Variants in TRAPPC9 observed in about 807,000 individuals in gnomAD.
The protein encoded by TRAPPC9 is IKK2 binding protein.
A neutral mutation model predicts 124.0 loss-of-function variants in TRAPPC9; 83 were observed. The observed-to-expected ratio is 0.67, with a 90% CI of 0.56 to 0.80. TRAPPC9 has a LOEUF of 0.80. Among genes scored for constraint, TRAPPC9 ranks in the 30% least tolerant of loss-of-function variants. TRAPPC9 has a pLI of 0.00. For synonymous variants in TRAPPC9, 638 were observed against 617.5 expected (o/e 1.03, Z -0.49); for missense variants, 1,302 against 1,508.3 (o/e 0.86, Z 2.27).
chr8:139,737,462 G>GCCC (rs1333489937), intron 21 of TRAPPC9, among the ~76,000 whole-genome samples: 431 of 31,078 alleles, frequency 0.014, 11 homozygotes, highest in African/African-American at 0.03. Flanking sequence ...GGGGTCATCA[G>GCCC]CCCTCCCCCC....
At chr8:140,076,013 C>G (rs529843122) in intron 17 of TRAPPC9, among the ~76,000 whole-genome samples, 6 of 152,160 alleles carry the variant, frequency 3.9e-5, no homozygotes, top group Admixed American at 6.5e-5. Context: ...ACAGGAAGCC[C>G]TTGCTTTCCT....
chr8:140,076,397 C>T (rs1843512399), intron 17 of TRAPPC9, among the ~76,000 whole-genome samples: 1 of 152,200 alleles, frequency 6.6e-6, no homozygotes, highest in Admixed American at 6.5e-5. Flanking sequence ...ACAACTCGTG[C>T]ATCCTTGCTT....
intron 7 of TRAPPC9, among the ~76,000 whole-genome samples, chr8:140,391,886 G>A (rs1179204538): frequency 6.6e-6 from 1 of 151,854 alleles, no homozygotes; most frequent in Non-Finnish European, 1.5e-5. Context: ...AATTAGCCGG[G>A]TGTGGTGCGG....
chr8:140,061,054 C>T (rs1417058555), intron 17 of TRAPPC9, among the ~76,000 whole-genome samples: 1 of 152,246 alleles, frequency 6.6e-6, no homozygotes, highest in Non-Finnish European at 1.5e-5. Flanking sequence ...ATGATTCAGG[C>T]AGTCTGACAT....
chr8:140,454,712 G>A (rs1171579512), intron 1 of TRAPPC9, among the ~76,000 whole-genome samples: 2 of 149,620 alleles, frequency 1.3e-5, no homozygotes, highest in African/African-American at 2.5e-5. Flanking sequence ...GCCAAGTCGA[G>A]TGGATCGCCT....
chr8:140,146,732 C>T (rs1332721935), intron 17 of TRAPPC9, among the ~76,000 whole-genome samples: 1 of 152,116 alleles, frequency 6.6e-6, no homozygotes, highest in Admixed American at 6.5e-5. Context: ...TCTAATATTT[C>T]ATAATGAATG....
At chr8:139,741,398 T>C (rs975229444) in intron 21 of TRAPPC9, among the ~76,000 whole-genome samples, 17 of 152,094 alleles carry the variant, frequency 1.1e-4, no homozygotes, top group Non-Finnish European at 1.5e-4. Flanking sequence ...AGGTGGCGAG[T>C]GGCTCAGGAG....
At chr8:140,156,472 C>A (rs891803638) in intron 17 of TRAPPC9, among the ~76,000 whole-genome samples, 8 of 152,182 alleles carry the variant, frequency 5.3e-5, no homozygotes, top group Admixed American at 3.9e-4. Context: ...AGTAGAAATA[C>A]TAACAAATTA....
intron 17 of TRAPPC9, among the ~76,000 whole-genome samples, chr8:140,042,511 A>G (rs1382306642): frequency 1.3e-5 from 2 of 152,194 alleles, no homozygotes; most frequent in African/African-American, 2.4e-5. Flanking sequence ...AGGCATGGAT[A>G]TTAGTTCCCC....
intron 21 of TRAPPC9, among the ~76,000 whole-genome samples, chr8:139,745,479 T>C (rs1458330544): frequency 2.0e-5 from 3 of 152,240 alleles, no homozygotes; most frequent in Non-Finnish European, 4.4e-5. Context: ...GGCCATGCAC[T>C]TGCAGCGGCT....
At chr8:139,768,649 T>G (rs1820738428) in intron 21 of TRAPPC9, among the ~76,000 whole-genome samples, 1 of 152,222 alleles carries the variant, frequency 6.6e-6, no homozygotes, top group Admixed American at 6.5e-5. Flanking sequence ...TGACTTCCGT[T>G]TTCATTTTAA....
In TRAPPC9 at chr8:140,405,710, G is replaced by C. The variant is rs771090414; in HGVS notation, c.887-12C>G. On this transcript the variant is annotated splice_polypyrimidine_tract_variant and intron_variant, in intron 5 of 22. Transcript: ENST00000438773. ...GGTGGTGAGGGCACCTGCAAACCAAGAGGAAGAAAAGAAATAATCTTTTGC... is the reference window on the plus strand; with the variant it reads ...GGTGGTGAGGGCACCTGCAAACCAACAGGAAGAAAAGAAATAATCTTTTGC... 5 of 1,614,022 alleles carry C rather than the reference G, an allele frequency of 3.1e-6. No individual in the cohort carries two copies. The highest frequency in any genetic ancestry group is 1.3e-5 in the African/African-American group (1 of 74,942).
intron 17 of TRAPPC9, among the ~76,000 whole-genome samples, chr8:140,201,428 G>A (rs564285348): frequency 3.0e-4 from 46 of 152,258 alleles, no homozygotes; most frequent in African/African-American, 1.1e-3. Context: ...ACTGTTTCTG[G>A]ATTTTTCCAA....
chr8:140,014,753 T>C (rs1176913353), intron 18 of TRAPPC9, among the ~76,000 whole-genome samples: 1 of 152,108 alleles, frequency 6.6e-6, no homozygotes, highest in Non-Finnish European at 1.5e-5. Flanking sequence ...ACAGTTCAGA[T>C]TGCCTCCCTT....
At chr8:140,075,859 A>G (rs1843476905) in intron 17 of TRAPPC9, among the ~76,000 whole-genome samples, 2 of 152,214 alleles carry the variant, frequency 1.3e-5, no homozygotes, top group Admixed American at 1.3e-4. Flanking sequence ...CTGAAGCTGG[A>G]CACGGGGCAT....
intron 19 of TRAPPC9, among the ~76,000 whole-genome samples, chr8:139,946,507 T>C (rs1834226343): frequency 6.6e-6 from 1 of 152,114 alleles, no homozygotes; most frequent in African/African-American, 2.4e-5. Flanking sequence ...GCTCTTCCTC[T>C]AGCAGTGCTA....
intron 17 of TRAPPC9, among the ~76,000 whole-genome samples, chr8:140,125,130 A>G (rs2061063401): frequency 1.3e-5 from 2 of 152,232 alleles, no homozygotes; most frequent in African/African-American, 4.8e-5. Flanking sequence ...GGACAGTAGC[A>G]GGAGCTGGGC....
chr8:140,034,446 C>T (rs150593988), intron 17 of TRAPPC9, among the ~76,000 whole-genome samples: 271 of 152,358 alleles, frequency 1.8e-3, no homozygotes, highest in African/African-American at 6.2e-3. Context: ...AAAGCCCAGG[C>T]TGGCTGCACC....
intron 2 of TRAPPC9, among the ~76,000 whole-genome samples, chr8:140,442,704 T>C (rs982328915): frequency 3.9e-5 from 6 of 152,074 alleles, no homozygotes; most frequent in Non-Finnish European, 8.8e-5. Context: ...AAACAATTTA[T>C]CTGGCAAATA....
Sources: allele counts gnomAD v4.1 joint callset (sites outside exome capture counted in the v4.1 genomes callset), GRCh38; gene constraint gnomAD v4.1.1; transcripts MANE v1.5; gene names NCBI Gene and HGNC (gene_info 2026-07-23, HGNC 2026-07-21).